Variants in SORCS2 observed in about 807,000 individuals in gnomAD.
The protein encoded by SORCS2 is VPS10 domain-containing receptor SorCS2.
Under a neutral mutation model 141.6 loss-of-function variants are expected in SORCS2, and 100 were observed. The ratio of observed to expected loss-of-function variants is 0.71; its 90% CI spans 0.60 to 0.83. The LOEUF (loss-of-function observed/expected upper bound fraction) is 0.83. Among genes scored for constraint, SORCS2 ranks in the 40% least tolerant of loss-of-function variants. SORCS2 has a pLI of 0.00. For missense variants in SORCS2, 1,646 were observed against 1,560.2 expected, an observed-to-expected ratio of 1.05 and a Z score of -0.93; for synonymous variants, 789 against 676.9, an observed-to-expected ratio of 1.17 and a Z score of -2.57.
At chr4:7,491,671 G>A (rs1731323093) in intron 2 of SORCS2, among the ~76,000 whole-genome samples, 1 of 152,242 alleles carries the variant, frequency 6.6e-6, no homozygotes, top group Admixed American at 6.5e-5. Context: ...GACAAGGCTT[G>A]TGGTTATGAA....
At position 7,244,864 on chromosome 4, in the gene SORCS2, T is replaced by G. The variant is rs535875365; in HGVS notation, c.480+51738T>G. On this transcript the variant is annotated intron_variant, in intron 1 of 26. Transcript: ENST00000507866. The stretch of plus-strand genomic sequence containing the variant: ...GGTTTTCAGAATCTTGGTGAGGGAG[T>G]GTGTGCTTAATATGCCAGTCAGCGA... Among the ~76,000 whole-genome samples the G allele has an allele frequency of 1.1e-3, 171 of 152,040 alleles. 1 individual carries two copies. Among genetic ancestry groups the G allele is most frequent in the Middle Eastern group, 0.01 (3 of 294 alleles).
intron 1 of SORCS2, among the ~76,000 whole-genome samples, chr4:7,394,831 G>C (rs1289318773): frequency 1.3e-5 from 2 of 152,162 alleles, no homozygotes; most frequent in Non-Finnish European, 2.9e-5. Context: ...GGATCTCACT[G>C]CTCCAAGATC....
At chr4:7,512,975 G>A (rs1387677508) in intron 2 of SORCS2, among the ~76,000 whole-genome samples, 1 of 152,172 alleles carries the variant, frequency 6.6e-6, no homozygotes, top group African/African-American at 2.4e-5. Context: ...GGAAAGGAGA[G>A]GCTGTAGGAA....
intron 10 of SORCS2, among the ~76,000 whole-genome samples, chr4:7,685,897 G>A (rs1723844877): frequency 6.6e-6 from 1 of 152,164 alleles, no homozygotes; most frequent in African/African-American, 2.4e-5. Flanking sequence ...AGTGATGCCT[G>A]ATTATTGCAG....
chr4:7,574,795 T>A (rs1359165463), intron 3 of SORCS2, among the ~76,000 whole-genome samples: 2 of 152,158 alleles, frequency 1.3e-5, no homozygotes, highest in African/African-American at 4.8e-5. Context: ...GCCTCATTCA[T>A]CTGAAAGATG....
At chr4:7,258,831 A>G (rs1714112514) in intron 1 of SORCS2, among the ~76,000 whole-genome samples, 1 of 152,192 alleles carries the variant, frequency 6.6e-6, no homozygotes. Flanking sequence ...CTGGCCTGAG[A>G]TGGTATCTCA....
chr4:7,589,976 G>A (rs969733705), intron 3 of SORCS2, among the ~76,000 whole-genome samples: 2 of 152,204 alleles, frequency 1.3e-5, no homozygotes, highest in Admixed American at 6.5e-5. Context: ...GAATGGCGGG[G>A]CTATTGGAGC....
chr4:7,427,844 C>T, intron 2 of SORCS2, among the ~76,000 whole-genome samples: 1 of 106,306 alleles, frequency 9.4e-6, no homozygotes, highest in Non-Finnish European at 2.3e-5. Context: ...CACACCACCG[C>T]CCCCCCGCCC....
chr4:7,581,911 CCTT>C (rs1416949425), intron 3 of SORCS2, among the ~76,000 whole-genome samples: 4 of 152,162 alleles, frequency 2.6e-5, no homozygotes, highest in African/African-American at 7.2e-5. Context: ...TAATATATCT[CCTT>C]CTTGTCTTTT....
chr4:7,235,695 T>C lies in SORCS2; in HGVS notation c.480+42569T>C, dbSNP rs546784279. ...GTGTGGCCGTTGAGAGGCCAGGCCT[T>C]GATTGTCAGAGGGGACTGATTGTGC... On this transcript the variant is annotated intron_variant, in intron 1 of 26. Transcript: ENST00000507866. 2.0e-5 allele frequency among the ~76,000 whole-genome samples: 3 copies of C among 152,302 alleles called. No individual in the cohort carries two copies. In the South Asian group the frequency reaches 6.2e-4, roughly 32 times the overall value.
At chr4:7,365,688 C>T (rs529709976) in intron 1 of SORCS2, among the ~76,000 whole-genome samples, 2 of 152,280 alleles carry the variant, frequency 1.3e-5, no homozygotes, top group South Asian at 4.2e-4. Context: ...AATGGGCACC[C>T]CGGCGTGCAG....
chr4:7,541,439 A>G lies in SORCS2; in HGVS notation c.648+9810A>G, dbSNP rs187363222. Among the ~76,000 whole-genome samples the G allele has an allele frequency of 9.2e-5, 14 of 152,270 alleles. No homozygotes were observed. In the East Asian group the frequency reaches 2.7e-3, roughly 29 times the overall value. On this transcript the variant is annotated intron_variant, in intron 3 of 26. Transcript: ENST00000507866. ...TATGGACATGCATTTGCAAATTGAG[A>G]TCATTCTCTGATGATGGTCTCTGGG...
At chr4:7,705,033 G>A (rs78709829) in intron 14 of SORCS2, among the ~76,000 whole-genome samples, 23 of 142,426 alleles carry the variant, frequency 1.6e-4, no homozygotes, top group Admixed American at 7.0e-5. Flanking sequence ...CCTGTTTCCC[G>A]GAACCATGAA....
chr4:7,203,893 T>C (rs1317684202), intron 1 of SORCS2, among the ~76,000 whole-genome samples: 1 of 152,204 alleles, frequency 6.6e-6, no homozygotes, highest in Admixed American at 6.5e-5. Context: ...AATGGCCTCA[T>C]ATGGGTGGAA....
chr4:7,283,159 G>A (rs1402729224), intron 1 of SORCS2, among the ~76,000 whole-genome samples: 1 of 152,182 alleles, frequency 6.6e-6, no homozygotes, highest in African/African-American at 2.4e-5. Flanking sequence ...AGGACACCAT[G>A]GTGAGCAAGA....
chr4:7,668,392 G>A (rs1475894653), intron 8 of SORCS2, among the ~76,000 whole-genome samples: 1 of 152,184 alleles, frequency 6.6e-6, no homozygotes, highest in Admixed American at 6.5e-5. Context: ...AAAGCCCCAA[G>A]GCAGCTCCAA....
At chr4:7,631,178 G>T (rs375711237) in intron 3 of SORCS2, among the ~76,000 whole-genome samples, 3 of 151,246 alleles carry the variant, frequency 2.0e-5, no homozygotes, top group Admixed American at 6.6e-5. Context: ...GGAAGATGAC[G>T]TGGACCAGGG....
At chr4:7,200,870 T>C (rs1727448119) in intron 1 of SORCS2, among the ~76,000 whole-genome samples, 1 of 152,210 alleles carries the variant, frequency 6.6e-6, no homozygotes, top group Admixed American at 6.5e-5. Context: ...CTTCATCTTA[T>C]TTCCTAAGAG....
rs1359643080 is a variant in SORCS2 at position 7,740,230 on chromosome 4, A to C, written c.3446A>C (p.Asn1149Thr). 2 of 1,609,310 alleles carry C rather than the reference A, an allele frequency of 1.2e-6. No individual in the cohort carries two copies. Among genetic ancestry groups the C allele is most frequent in the East Asian group, 2.2e-5 (1 of 44,830 alleles). ...CACTCAGGCGTGGTCCTGAGCATCA[A>C]CTCCCGAGAGATGCACAGCTACCTG... ...GNHSGVVLSINSREMHSYLVS is the reference protein window; with the variant it reads ...GNHSGVVLSITSREMHSYLVS Residue 1149 changes from asparagine (N) to threonine (T), a missense_variant, in exon 27 of 27, where the codon AAC becomes ACC. Transcript: ENST00000507866.
Sources: gnomAD v4.1 joint callset for allele counts (sites outside exome capture counted in the v4.1 genomes callset) on GRCh38, gnomAD v4.1.1 for gene constraint, MANE v1.5 for transcripts, NCBI Gene and HGNC (gene_info 2026-07-23, HGNC 2026-07-21) for gene names.